Variants in PRUNE2 observed in about 807,000 individuals in gnomAD.
PRUNE2 encodes the protein prune homolog 2 with BCH domain.
A neutral mutation model predicts 252.0 loss-of-function variants in PRUNE2; 164 were observed. The ratio of observed to expected loss-of-function variants is 0.65; its 90% CI spans 0.57 to 0.74. The LOEUF is 0.74. PRUNE2 is among the 30% of genes least tolerant of loss of function. The probability of loss-of-function intolerance (pLI) is 0.00; values close to 1 mark genes in which losing one functional copy is unlikely to be tolerated. For missense variants in PRUNE2, 3,495 were observed against 3,711.0 expected (o/e 0.94, Z 1.51); for synonymous variants, 1,292 against 1,350.2 (o/e 0.96, Z 0.94).
At chr9:76,848,671 T>G (rs1012699155) in intron 3 of PRUNE2, among the ~76,000 whole-genome samples, 2 of 152,368 alleles carry the variant, frequency 1.3e-5, no homozygotes, top group African/African-American at 4.8e-5. Flanking sequence ...ACTGAAGTGC[T>G]TAGCTGGTGA....
intron 1 of PRUNE2, among the ~76,000 whole-genome samples, chr9:76,898,153 C>A (rs550709004): frequency 6.6e-6 from 1 of 152,176 alleles, no homozygotes. Flanking sequence ...ACATGATTAG[C>A]CGCCCGGCTG....
chr9:76,844,874 C>T (rs2059584410), intron 4 of PRUNE2, among the ~76,000 whole-genome samples: 4 of 151,888 alleles, frequency 2.6e-5, no homozygotes, highest in Non-Finnish European at 4.4e-5. Flanking sequence ...TTAAGAAAAG[C>T]AAAATCCAGC....
chr9:76,829,668 A>T (rs371324766), intron 4 of PRUNE2, among the ~76,000 whole-genome samples: 3 of 152,258 alleles, frequency 2.0e-5, no homozygotes, highest in East Asian at 3.9e-4. Flanking sequence ...GCCTAGGGAG[A>T]AGGGTGAAGC....
intron 6 of PRUNE2, among the ~76,000 whole-genome samples, chr9:76,806,337 C>T (rs2056929325): frequency 6.6e-6 from 1 of 152,148 alleles, no homozygotes; most frequent in South Asian, 2.1e-4. Flanking sequence ...GATGTTTCTT[C>T]AGTTTGCACT....
At position 76,710,875 on chromosome 9, in the gene PRUNE2, C is replaced by A; in HGVS notation, c.1399G>T (p.Asp467Tyr). 1 of 1,543,026 alleles carries A rather than the reference C, an allele frequency of 6.5e-7. No individual in the cohort carries two copies. Among genetic ancestry groups the A allele is most frequent in the South Asian group, 1.3e-5 (1 of 77,834 alleles). Reference protein sequence around the residue: ...GPHHTLLPGLDSYSPIPEGAV... With the variant: ...GPHHTLLPGLYSYSPIPEGAV... ...CCTTCAGGGATGGGGCTGTAGGAGT[C>A]AAGCCCTGGGAGAAGGGTGTGGTGA... The change falls in exon 8 of 19, where the codon GAC becomes TAC. Residue 467 changes from aspartate to tyrosine, a missense_variant. Physicochemically the swap from Asp to Tyr is radical, Grantham distance 160. Coordinates refer to ENST00000376718, the MANE Select transcript of PRUNE2 (RefSeq NM_015225.3).
At chr9:76,890,612 A>AT (rs2062410499) in intron 1 of PRUNE2, among the ~76,000 whole-genome samples, 4 of 152,188 alleles carry the variant, frequency 2.6e-5, no homozygotes, top group African/African-American at 9.7e-5. Flanking sequence ...TCAGTCTCTC[A>AT]GAGTCAGTGA....
At chr9:76,847,768 C>G (rs1439009615) in intron 3 of PRUNE2, among the ~76,000 whole-genome samples, 1 of 152,218 alleles carries the variant, frequency 6.6e-6, no homozygotes, top group Non-Finnish European at 1.5e-5. Context: ...ATAAAGATTT[C>G]TATTTATTTT....
intron 6 of PRUNE2, among the ~76,000 whole-genome samples, chr9:76,780,860 C>A (rs1035036246): frequency 1.3e-5 from 2 of 152,146 alleles, no homozygotes; most frequent in African/African-American, 4.8e-5. Context: ...GGGGATCTGC[C>A]CAGGACCACG....
chr9:76,637,007 G>A (rs992995204), intron 14 of PRUNE2, among the ~76,000 whole-genome samples: 28 of 150,080 alleles, frequency 1.9e-4, no homozygotes, highest in South Asian at 1.1e-3. Flanking sequence ...GTGTGTGTGT[G>A]TGTATAATTT....
At position 76,612,971 on chromosome 9, in the gene PRUNE2, G is replaced by A. The variant is rs1324036136; in HGVS notation, c.*1599C>T. 1 of 152,144 alleles carries A rather than the reference G, an allele frequency of 6.6e-6. No homozygotes were observed. The highest frequency in any genetic ancestry group is 2.4e-5 in the African/African-American group (1 of 41,426). 9.4% of individuals were successfully genotyped at this position (152,144 alleles called of 1,614,324 possible). Reference sequence around the variant, plus strand: ...TATTTCTGCCAGCTTCTTTGTAATAGGAGACACTGGAGACTAAGAATGGTT... The same window carrying A: ...TATTTCTGCCAGCTTCTTTGTAATAAGAGACACTGGAGACTAAGAATGGTT... On this transcript the variant is annotated 3_prime_UTR_variant, in exon 19 of 19. Transcript: ENST00000376718.
chr9:76,716,771 G>T (rs983332166), intron 6 of PRUNE2, among the ~76,000 whole-genome samples: 1 of 152,046 alleles, frequency 6.6e-6, no homozygotes, highest in Non-Finnish European at 1.5e-5. Context: ...ATGGTGGTTT[G>T]CTGCACCTAT....
chr9:76,688,023 T>C (rs946548872), intron 9 of PRUNE2, among the ~76,000 whole-genome samples: 1 of 152,260 alleles, frequency 6.6e-6, no homozygotes, highest in Non-Finnish European at 1.5e-5. Flanking sequence ...CCTCAGTTCC[T>C]GAGCCCACAA....
chr9:76,726,848 C>T (rs1461871454), intron 6 of PRUNE2, among the ~76,000 whole-genome samples: 1 of 152,172 alleles, frequency 6.6e-6, no homozygotes, highest in Admixed American at 6.5e-5. Context: ...GCTTTAAATA[C>T]AAATTTGAAA....
rs1198737552 is a variant in PRUNE2 at position 76,708,905 on chromosome 9, A to C, written c.3369T>G (p.Thr1123=). ...TATCTGAGATCGTTGCAGTGGACTG[A>C]GTATCCTCCAAAATCACTCTGTTCC... ...DLWNRVILED[T]QSTATISDMD... is the part of the protein sequence containing the mutation. Residue 1123 remains threonine (T), a synonymous_variant, in exon 8 of 19, where the codon ACT becomes ACG. Transcript: ENST00000376718. 6.2e-7 allele frequency: 1 copy of C among 1,613,928 alleles called. No individual in the cohort carries two copies. Among genetic ancestry groups the C allele is most frequent in the Admixed American group, 1.7e-5 (1 of 60,002 alleles).
At chr9:76,775,023 A>G (rs1166677188) in intron 6 of PRUNE2, among the ~76,000 whole-genome samples, 3 of 152,184 alleles carry the variant, frequency 2.0e-5, no homozygotes, top group Non-Finnish European at 4.4e-5. Flanking sequence ...GCACTCTGTA[A>G]TCACTCAGTG....
intron 6 of PRUNE2, among the ~76,000 whole-genome samples, chr9:76,752,387 G>A (rs879786646): frequency 1.3e-5 from 2 of 152,076 alleles, no homozygotes; most frequent in Non-Finnish European, 2.9e-5. Context: ...GTGAGCCACC[G>A]CGCCCGGCAA....
chr9:76,672,217 G>T, intron 9 of PRUNE2, among the ~76,000 whole-genome samples: 1 of 138,502 alleles, frequency 7.2e-6, no homozygotes, highest in Admixed American at 7.5e-5. Context: ...GATCTACCAA[G>T]CAAATGGAAA....
At chr9:76,797,738 G>A (rs957043575) in intron 6 of PRUNE2, among the ~76,000 whole-genome samples, 1 of 146,040 alleles carries the variant, frequency 6.8e-6, no homozygotes, top group Non-Finnish European at 1.5e-5. Flanking sequence ...CCGCTAAAAA[G>A]CAGCAGCAGT....
rs187204423 is a variant in PRUNE2 at position 76,796,945 on chromosome 9, T to C, written c.756+26687A>G. On this transcript the variant is annotated intron_variant, in intron 6 of 18. Transcript: ENST00000376718. Reference sequence around the variant, plus strand: ...CTGCCAGCTTTCAGATCAAAATTAATCTAGACGCTGTTGGCTCTGTCTCTC... The same window carrying C: ...CTGCCAGCTTTCAGATCAAAATTAACCTAGACGCTGTTGGCTCTGTCTCTC... 3.8e-3 allele frequency among the ~76,000 whole-genome samples: 585 copies of C among 152,250 alleles called. 6 individuals are homozygous for C. The highest frequency in any genetic ancestry group is 0.014 in the African/African-American group (563 of 41,534).
Sources: allele counts gnomAD v4.1 joint callset (sites outside exome capture counted in the v4.1 genomes callset), GRCh38; gene constraint gnomAD v4.1.1; transcripts MANE v1.5; gene names NCBI Gene and HGNC (gene_info 2026-07-23, HGNC 2026-07-21).